The following TUT7 variants were observed in gnomAD, a reference collection of about 807,000 sequenced individuals.
TUT7 encodes terminal uridylyl transferase 7.
TUT7 carries 33 observed loss-of-function variants against 165.9 expected under a neutral mutation model. That is an observed-to-expected ratio of 0.20 (90% confidence interval 0.15 to 0.27). TUT7 has a LOEUF of 0.27. Ranked by LOEUF, TUT7 falls within the 10% of genes least tolerant of loss-of-function variation. TUT7 has a pLI of 1.00. For synonymous variants in TUT7, 552 were observed against 608.1 expected (o/e 0.91, Z 1.36); for missense variants, 1,338 against 1,762.3 (o/e 0.76, Z 4.31).
chr9:86,320,337 C>T (rs899188008), intron 14 of TUT7, among the ~76,000 whole-genome samples: 14 of 148,166 alleles, frequency 9.4e-5, no homozygotes, highest in African/African-American at 3.5e-4. Context: ...CCATGTGAAA[C>T]AAGTTCCTTC....
At chr9:86,351,098 C>T (rs112921816) in intron 2 of TUT7, among the ~76,000 whole-genome samples, 174 of 147,126 alleles carry the variant, frequency 1.2e-3, no homozygotes, top group African/African-American at 4.2e-3. Flanking sequence ...CACATCACTG[C>T]ACCTCCAGCC....
At position 86,345,154 on chromosome 9, in the gene TUT7, CCTTTT is replaced by C; in HGVS notation, c.820-5_820-1del. On this transcript the variant is annotated splice_acceptor_variant and splice_polypyrimidine_tract_variant and intron_variant, in intron 4 of 26. Transcript: ENST00000375963. LOFTEE classifies it high-confidence loss of function. ...GTGAGCAACTCTTCCTCTTGCTTCT[CCTTTT>C]AAGATCAAATGTTGAGATTAAAAAT... 1 of 1,601,808 alleles carries C rather than the reference CCTTTT, an allele frequency of 6.2e-7. No individual in the cohort carries two copies. Among genetic ancestry groups the C allele is most frequent in the Non-Finnish European group, 8.5e-7 (1 of 1,175,376 alleles).
At position 86,308,437 on chromosome 9, in the gene TUT7, A is replaced by C; in HGVS notation, c.3830T>G (p.Val1277Gly). Residue 1277 changes from valine (V) to glycine (G), a missense_variant, in exon 22 of 27, where the codon GTT becomes GGT. By Grantham distance (109) the Val-to-Gly change is moderately radical (BLOSUM62 -3). Transcript: ENST00000375963. The part of the protein sequence containing the change: ...FKKQWTSKYI[V>G]IEDPFDLNHN... ...TTTAATTTTATTCGTACCTTCAATAACAATGTATTTTGAGGTCCACTGTTT... is the reference window on the plus strand; with the variant it reads ...TTTAATTTTATTCGTACCTTCAATACCAATGTATTTTGAGGTCCACTGTTT... 1.2e-6 allele frequency: 2 copies of C among 1,611,926 alleles called. No homozygotes were observed. The highest frequency in any genetic ancestry group is 1.7e-6 in the Non-Finnish European group (2 of 1,179,254).
rs762362699 is a variant in TUT7 at position 86,323,739 on chromosome 9, G to A, written c.2011C>T (p.Leu671Phe). Residue 671 changes from leucine to phenylalanine, a missense_variant, in exon 13 of 27, where the codon CTC becomes TTC. By Grantham distance (22) the Leu-to-Phe change is conservative (BLOSUM62 0). Around this residue, in one of 7 missense-constraint regions of TUT7, gnomAD observed 425 missense variants for 474.9 expected, o/e 0.89. Coordinates refer to ENST00000375963, the MANE Select transcript of TUT7 (RefSeq NM_024617.4). ...CCTTGGGCCAAAACTGAGTTTTTGA[G>A]CTTATCATCTTTTGTTTGTACATCT... ...HPDVQTKDDK[L>F]KNSVLAQGPG... The A allele has an allele frequency of 1.2e-6, 2 of 1,613,526 alleles. No homozygotes were observed. The highest frequency in any genetic ancestry group is 2.7e-5 in the African/African-American group (2 of 74,878).
At chr9:86,330,979 T>G (rs868630783) in intron 10 of TUT7, among the ~76,000 whole-genome samples, 18 of 151,884 alleles carry the variant, frequency 1.2e-4, no homozygotes, top group Non-Finnish European at 1.5e-4. Context: ...CTCCTGGGCT[T>G]AAGCAATCCT....
rs769929887 is a variant in TUT7 at position 86,328,481 on chromosome 9, G to C, written c.1467C>G (p.Phe489Leu). The stretch of plus-strand genomic sequence containing the variant: ...TGAAATTCCCTAGTTTGCTTAATGA[G>C]AATCCTTCAATCTAGGAAAAATTAG... The part of the protein sequence containing the change: ...PVYLGSWIEG[F>L]SLSKLGNFNL... The change falls in exon 11 of 27, where the codon TTC becomes TTG. Residue 489 changes from phenylalanine to leucine, a missense_variant. Transcript: ENST00000375963. The C allele has an allele frequency of 6.2e-7, 1 of 1,603,518 alleles. No individual in the cohort carries two copies. The highest frequency in any genetic ancestry group is 1.7e-5 in the Admixed American group (1 of 57,932).
chr9:86,347,302 T>C (rs1363342387), intron 2 of TUT7, among the ~76,000 whole-genome samples: 1 of 152,256 alleles, frequency 6.6e-6, no homozygotes, highest in African/African-American at 2.4e-5. Flanking sequence ...TGTTCCTTTT[T>C]AAAACTTATA....
In TUT7 at chr9:86,354,334, G is replaced by A. The variant is rs894120459; in HGVS notation, c.-95C>T. The A allele has an allele frequency of 3.3e-5, 5 of 152,812 alleles. No homozygotes were observed. Among genetic ancestry groups the A allele is most frequent in the African/African-American group, 9.6e-5 (4 of 41,462 alleles). 9.5% of individuals were successfully genotyped at this position (152,812 alleles called of 1,614,324 possible). A position where few individuals can be genotyped will look rare whatever the true frequency, so the allele number is the denominator to read the frequency against. On this transcript the variant is annotated 5_prime_UTR_variant, in exon 1 of 27. Coordinates refer to ENST00000375963, the MANE Select transcript of TUT7 (RefSeq NM_024617.4). ...AAACCAACTGGAGAATCAGCCCGGA[G>A]GCGAGTCTGGCAGGGACGTTGGGAG...
intron 10 of TUT7, among the ~76,000 whole-genome samples, chr9:86,331,236 C>A (rs548029231): frequency 1.3e-5 from 2 of 151,790 alleles, no homozygotes; most frequent in African/African-American, 4.8e-5. Flanking sequence ...CATAGTGGAA[C>A]CTTGTCTCTT....
At chr9:86,336,741 G>A (rs1250674176) in intron 10 of TUT7, 1 of 152,022 alleles carries the variant, frequency 6.6e-6, no homozygotes, top group African/African-American at 2.4e-5. Flanking sequence ...TAATACCAAG[G>A]GATTACAAAC....
intron 11 of TUT7, among the ~76,000 whole-genome samples, chr9:86,327,241 A>T (rs1427456234): frequency 6.6e-6 from 1 of 152,268 alleles, no homozygotes; most frequent in African/African-American, 2.4e-5. Context: ...TGATAATACC[A>T]TAACATGAAA....
intron 6 of TUT7, among the ~76,000 whole-genome samples, 154 bp from the exon 7 acceptor site, chr9:86,341,207 G>A (rs1831292463): frequency 6.6e-6 from 1 of 152,194 alleles, no homozygotes; most frequent in Non-Finnish European, 1.5e-5. Context: ...GTTTGCATAT[G>A]TCAGTCAAAG....
chr9:86,319,669 C>T lies in TUT7; in HGVS notation c.3030G>A (p.Lys1010=). 1 of 1,599,680 alleles carries T rather than the reference C, an allele frequency of 6.3e-7. No individual in the cohort carries two copies. Among genetic ancestry groups the T allele is most frequent in the Non-Finnish European group, 8.5e-7 (1 of 1,173,604 alleles). ...ILDQVCIQCY[K]DFSPTIIEDQ... is the part of the protein sequence containing the mutation. ...CTTCTATAATTGTTGGAGAAAAATC[C>T]TCTGTTTAAAAATAAATAGACATAT... Residue 1010 remains lysine, a splice_region_variant and synonymous_variant, in exon 15 of 27, where the codon AAG becomes AAA. Transcript: ENST00000375963.
intron 1 of TUT7, among the ~76,000 whole-genome samples, chr9:86,354,066 T>A (rs1008747562): frequency 2.3e-4 from 35 of 152,246 alleles, no homozygotes; most frequent in Non-Finnish European, 7.3e-5. Context: ...AGTGACCTGC[T>A]GTCTCCATGG....
At chr9:86,334,566 C>T (rs1181908126) in intron 10 of TUT7, among the ~76,000 whole-genome samples, 2 of 152,102 alleles carry the variant, frequency 1.3e-5, no homozygotes, top group African/African-American at 4.8e-5. Context: ...AGTGGTTTGC[C>T]CATGACATCA....
In TUT7 at chr9:86,311,310, T is replaced by C. The variant is rs1027983355; in HGVS notation, c.3275-501A>G. ...CTTCAATAGGAGAGAGGAAATTGCC[T>C]GAGCTAAGCTTTGAAAAAGAGGGAG... On this transcript the variant is annotated intron_variant, in intron 17 of 26. Transcript: ENST00000375963. The surrounding 1 kb of genome is among the most constrained non-coding windows in gnomAD (Gnocchi z 4.4). 1.3e-5 allele frequency among the ~76,000 whole-genome samples: 2 copies of C among 152,156 alleles called. No homozygotes were observed.
chr9:86,309,192 T>C lies in TUT7; in HGVS notation c.3660+20A>G, dbSNP rs1827798296. 6.7e-7 allele frequency: 1 copy of C among 1,487,814 alleles called. No individual in the cohort carries two copies. The highest frequency in any genetic ancestry group is 1.4e-5 in the African/African-American group (1 of 71,460). 92.2% of individuals were successfully genotyped at this position (1,487,814 alleles called of 1,614,324 possible). ...TTTTAGTCAAGGATATAGGAAAATC[T>C]TTACTCTTAAAATACGTACCAGTTC... On this transcript the variant is annotated intron_variant, in intron 21 of 26. Transcript: ENST00000375963.
intron 10 of TUT7, among the ~76,000 whole-genome samples, chr9:86,334,398 A>G (rs765022180): frequency 1.3e-5 from 2 of 152,072 alleles, no homozygotes; most frequent in Non-Finnish European, 2.9e-5. Flanking sequence ...GAAATTTTTA[A>G]CCCTCAAGCT....
At chr9:86,292,154 C>G (rs1489541175) in intron 26 of TUT7, among the ~76,000 whole-genome samples, 1 of 152,144 alleles carries the variant, frequency 6.6e-6, no homozygotes, top group Middle Eastern at 3.2e-3. Flanking sequence ...AGCCATCCTC[C>G]TGCCTCAGCC....
Sources: gnomAD v4.1 joint callset for allele counts (sites outside exome capture counted in the v4.1 genomes callset) on GRCh38, gnomAD v4.1.1 for gene constraint, gnomAD v4.1.1 regional missense constraint, Gnocchi (gnomAD v3.1) non-coding constraint, MANE v1.5 for transcripts, NCBI Gene and HGNC (gene_info 2026-07-23, HGNC 2026-07-21) for gene names.